The following TP53BP1 variants were observed in gnomAD, a reference collection of about 807,000 sequenced individuals.
The protein encoded by TP53BP1 is TP53-binding protein 1.
A neutral mutation model predicts 200.8 loss-of-function variants in TP53BP1; 61 were observed. The ratio of observed to expected loss-of-function variants is 0.30; its 90% confidence interval spans 0.25 to 0.38. The LOEUF is 0.38. Ranked by LOEUF, TP53BP1 falls within the 10% of genes least tolerant of loss-of-function variation. The pLI is 1.00. For synonymous variants in TP53BP1, 822 were observed against 844.3 expected (o/e 0.97, Z 0.46); for missense variants, 2,144 against 2,371.9 (o/e 0.90, Z 2.00).
At position 43,479,867 on chromosome 15, in the gene TP53BP1, G is replaced by A. The variant is rs986219804; in HGVS notation, c.650C>T (p.Ala217Val). The stretch of plus-strand genomic sequence containing the variant: ...GAAAACATGTTTCATACCAGTATTA[G>A]CATCCACATCAGACAGCCTGGTATA... ...SGYTRLSDVD[A>V]NTAIKHEEQS... Residue 217 changes from alanine (A) to valine (V), a missense_variant, in exon 6 of 28, where the codon GCT becomes GTT. Physicochemically the swap from Ala to Val is moderately conservative, Grantham distance 64. This residue lies in a region of TP53BP1 where 1,700 missense variants were observed against 1,710.3 expected (regional missense o/e 0.99). Transcript: ENST00000382044. The A allele has an allele frequency of 2.5e-6, 4 of 1,614,042 alleles. No homozygotes were observed. The African/African-American group carries it at 5.3e-5, about 22-fold the overall frequency.
In TP53BP1 at chr15:43,406,398, C is replaced by G; in HGVS notation, c.*985G>C. ...CCTGCTATTATCAACTAAAGATCAC[C>G]CTTTCTACTGCTGTCTCTGGAGCAG... On this transcript the variant is annotated 3_prime_UTR_variant, in exon 28 of 28. Transcript: ENST00000382044. The G allele has an allele frequency of 3.0e-6, 1 of 334,108 alleles. No homozygotes were observed. The highest frequency in any genetic ancestry group is 2.5e-5 in the South Asian group (1 of 40,478). 20.7% of individuals were successfully genotyped at this position (334,108 alleles called of 1,614,324 possible).
chr15:43,472,056 G>A (rs1475546808), intron 10 of TP53BP1, among the ~76,000 whole-genome samples: 1 of 152,216 alleles, frequency 6.6e-6, no homozygotes, highest in Non-Finnish European at 1.5e-5. Context: ...TATGTTTTAT[G>A]TTACTCAAGA....
chr15:43,413,283 G>C lies in TP53BP1; in HGVS notation c.5141C>G (p.Thr1714Ser). Residue 1714 changes from threonine to serine, a missense_variant, in exon 24 of 28, where the codon ACC becomes AGC. This residue lies in a region of TP53BP1 where 334 missense variants were observed against 453.4 expected (regional missense o/e 0.74). Transcript: ENST00000382044. ...CTCTTCCAGGGCAGAGGGTTCACCG[G>C]TGTTGTCTCCACTCTCACAGGGGCT... ...FVSPCESGDN[T>S]GEPSALEEQR... The C allele has an allele frequency of 6.2e-7, 1 of 1,614,174 alleles. No individual in the cohort carries two copies. The highest frequency in any genetic ancestry group is 8.5e-7 in the Non-Finnish European group (1 of 1,180,034).
chr15:43,454,790 G>A (rs995441415), intron 12 of TP53BP1, among the ~76,000 whole-genome samples: 2 of 152,036 alleles, frequency 1.3e-5, no homozygotes, highest in African/African-American at 2.4e-5. Flanking sequence ...GCAATGCAGT[G>A]GCGTGATCTT....
chr15:43,417,208 A>T (rs1433672604), intron 21 of TP53BP1: 1 of 151,932 alleles, frequency 6.6e-6, no homozygotes, highest in Non-Finnish European at 1.5e-5. Flanking sequence ...CCCCACACAC[A>T]TATACAATAC....
At position 43,428,132 on chromosome 15, in the gene TP53BP1, C is replaced by A; in HGVS notation, c.3712G>T (p.Gly1238Cys). Residue 1238 changes from glycine (G) to cysteine (C), a missense_variant, in exon 18 of 28, where the codon GGC (glycine) becomes TGC (cysteine). By Grantham distance (159) the Gly-to-Cys change is radical. This residue lies in a region of TP53BP1 where 1,700 missense variants were observed against 1,710.3 expected (regional missense o/e 0.99). Transcript: ENST00000382044. ...EEFDMPQPPH[G>C]HVLHRHMRTI... ...CTCATGTGACGATGTAAGACATGGCCATGTGGAGGCTGAGGCATATCAAAC... is the reference window on the plus strand; with the variant it reads ...CTCATGTGACGATGTAAGACATGGCAATGTGGAGGCTGAGGCATATCAAAC... 6.2e-7 allele frequency: 1 copy of A among 1,613,792 alleles called. No individual in the cohort carries two copies. Among genetic ancestry groups the A allele is most frequent in the Admixed American group, 1.7e-5 (1 of 59,986 alleles).
intron 24 of TP53BP1, among the ~76,000 whole-genome samples, chr15:43,412,207 C>T (rs1431706148): frequency 6.6e-6 from 1 of 152,162 alleles, no homozygotes; most frequent in African/African-American, 2.4e-5. Context: ...TGGCTGCAGT[C>T]GGTGAGATAT....
At chr15:43,447,756 G>T (rs886789347) in intron 12 of TP53BP1, among the ~76,000 whole-genome samples, 1 of 152,040 alleles carries the variant, frequency 6.6e-6, no homozygotes, top group African/African-American at 2.4e-5. Context: ...CCCGAAGTCT[G>T]CAAGACCTGA....
At chr15:43,467,442 A>C (rs2140084310) in intron 11 of TP53BP1, among the ~76,000 whole-genome samples, 1 of 152,298 alleles carries the variant, frequency 6.6e-6, no homozygotes, top group South Asian at 2.1e-4. Context: ...ATGAGTTCAA[A>C]GAAACCTGAT....
Position 43,404,867 on chromosome 15 carries a change from G to A in TP53BP1, c.*2516C>T. The A allele has an allele frequency of 4.1e-6, 2 of 482,568 alleles. No homozygotes were observed. The highest frequency in any genetic ancestry group is 5.6e-5 in the South Asian group (2 of 35,608). 29.9% of individuals were successfully genotyped at this position (482,568 alleles called of 1,614,324 possible). On this transcript the variant is annotated 3_prime_UTR_variant, in exon 28 of 28. Transcript: ENST00000382044. ...ATATGAACTAGCTGTGCAGCCGTGG[G>A]CACCCCGCCTTGCTGGTCCCTAGCT...
chr15:43,508,601 C>T (rs1353858645), intron 1 of TP53BP1, among the ~76,000 whole-genome samples: 1 of 152,160 alleles, frequency 6.6e-6, no homozygotes, highest in Non-Finnish European at 1.5e-5. Flanking sequence ...CACTATATAC[C>T]AGCCTTGCTG....
chr15:43,474,637 T>C (rs199992364), intron 10 of TP53BP1, 36 bp downstream of exon 10: 2 of 1,456,270 alleles, frequency 1.4e-6, no homozygotes, highest in Non-Finnish European at 1.9e-6. Flanking sequence ...GCTCCTCTTC[T>C]AATCTGAGAT....
At chr15:43,424,550 G>A (rs1467649967) in intron 18 of TP53BP1, among the ~76,000 whole-genome samples, 1 of 152,180 alleles carries the variant, frequency 6.6e-6, no homozygotes, top group Non-Finnish European at 1.5e-5. Flanking sequence ...AATAATGCCT[G>A]GCACATAGTA....
At chr15:43,478,420 G>C (rs576305303) in intron 7 of TP53BP1, among the ~76,000 whole-genome samples, 1 of 152,226 alleles carries the variant, frequency 6.6e-6, no homozygotes. Context: ...ACATTAGAAA[G>C]ACAATTTCTC....
intron 10 of TP53BP1, 58 bp downstream of exon 10, chr15:43,474,615 A>G: frequency 1.6e-6 from 2 of 1,236,630 alleles, no homozygotes; most frequent in South Asian, 2.6e-5. Context: ...TTTGCAAGGC[A>G]GAAAAAGTGT....
Position 43,428,076 on chromosome 15 carries a change from A to C in TP53BP1, c.3768T>G (p.Thr1256=). The C allele has an allele frequency of 6.2e-7, 1 of 1,613,144 alleles. No homozygotes were observed. The highest frequency in any genetic ancestry group is 1.1e-5 in the South Asian group (1 of 91,060). The change falls in exon 18 of 28, where the codon ACT becomes ACG. Residue 1256 remains threonine, a synonymous_variant. Coordinates refer to ENST00000382044, the MANE Select transcript of TP53BP1 (RefSeq NM_001141980.3). ...CATAATACACATCTGTAATGACACG[A>C]GTGACAAGTGTGCGTACTTCCCGGA... ...RTIREVRTLV[T]RVITDVYYVD...
intron 10 of TP53BP1, among the ~76,000 whole-genome samples, chr15:43,472,435 G>A (rs982248912): frequency 2.6e-5 from 4 of 152,176 alleles, no homozygotes; most frequent in African/African-American, 7.2e-5. Flanking sequence ...TGACTGGATA[G>A]GAGACTAGGT....
At chr15:43,489,086 T>G (rs1288878957) in intron 4 of TP53BP1, among the ~76,000 whole-genome samples, 1 of 152,230 alleles carries the variant, frequency 6.6e-6, no homozygotes, top group African/African-American at 2.4e-5. Context: ...TCATATTTAT[T>G]GTTTAGATTG....
intron 12 of TP53BP1, among the ~76,000 whole-genome samples, chr15:43,453,051 G>A (rs1169293313): frequency 2.6e-5 from 4 of 151,834 alleles, no homozygotes; most frequent in Admixed American, 6.6e-5. Context: ...AAAATTAGCC[G>A]GACGTGGTGG....
Sources: gnomAD v4.1 joint callset for allele counts (sites outside exome capture counted in the v4.1 genomes callset) on GRCh38, gnomAD v4.1.1 for gene constraint, gnomAD v4.1.1 regional missense constraint, MANE v1.5 for transcripts, NCBI Gene and HGNC (gene_info 2026-07-23, HGNC 2026-07-21) for gene names.